Variants in UMAD1 observed in about 807,000 individuals in gnomAD.
UMAD1 encodes UBAP1-MVB12-associated (UMA) domain containing 1, also known as UBAP1-MVB12-associated (UMA)-domain containing protein 1.
UMAD1 carries 8 observed loss-of-function variants against 6.1 expected under a neutral mutation model. The ratio of observed to expected loss-of-function variants is 1.30; its 90% CI spans 0.76 to 2.35. The LOEUF (loss-of-function observed/expected upper bound fraction) is 2.35, where lower values mean the gene tolerates loss of function less well. Among genes scored for constraint, UMAD1 ranks in the 30% most tolerant of loss-of-function variants. The pLI is 0.00. For synonymous variants in UMAD1, 56 were observed against 31.4 expected, an observed-to-expected ratio of 1.78 and a Z score of -2.61; for missense variants, 130 against 78.4, an observed-to-expected ratio of 1.66 and a Z score of -2.49.
chr7:7,782,781 G>C (rs1458136652), intron 2 of UMAD1, among the ~76,000 whole-genome samples: 1 of 145,206 alleles, frequency 6.9e-6, no homozygotes, highest in African/African-American at 2.6e-5. Flanking sequence ...CTGTCACCCA[G>C]GTTGGAGTGC....
intron 2 of UMAD1, among the ~76,000 whole-genome samples, chr7:7,696,109 G>A (rs960875282): frequency 2.7e-5 from 4 of 150,650 alleles, no homozygotes; most frequent in African/African-American, 7.3e-5. Flanking sequence ...GGGTTCAAGC[G>A]ATCCTCCCAT....
At chr7:7,696,292 T>G (rs997219592) in intron 2 of UMAD1, among the ~76,000 whole-genome samples, 3 of 151,204 alleles carry the variant, frequency 2.0e-5, no homozygotes, top group Non-Finnish European at 4.4e-5. Context: ...TAAGAATTAT[T>G]AGGTAGATTA....
At chr7:7,662,936 A>C (rs1322337278) in intron 1 of UMAD1, among the ~76,000 whole-genome samples, 1 of 152,208 alleles carries the variant, frequency 6.6e-6, no homozygotes, top group Admixed American at 6.5e-5. Flanking sequence ...TTTTCAATGG[A>C]AAGTTTTAGA....
intron 2 of UMAD1, chr7:7,739,042 A>G (rs553723043): frequency 1.3e-5 from 2 of 152,388 alleles, no homozygotes; most frequent in African/African-American, 4.8e-5. Flanking sequence ...TTTACTTTTC[A>G]GCACCATTAT....
chr7:7,743,724 A>G (rs1227553725), intron 2 of UMAD1, among the ~76,000 whole-genome samples: 1 of 151,148 alleles, frequency 6.6e-6, no homozygotes, highest in Non-Finnish European at 1.5e-5. Flanking sequence ...ACATATACAT[A>G]TATATTTTCC....
intron 2 of UMAD1, among the ~76,000 whole-genome samples, chr7:7,683,749 A>C (rs1311220750): frequency 6.6e-6 from 1 of 151,916 alleles, no homozygotes; most frequent in Non-Finnish European, 1.5e-5. Flanking sequence ...CAGCCTCCCA[A>C]GTAGCTGGGA....
intron 3 of UMAD1, among the ~76,000 whole-genome samples, chr7:7,827,141 ATATATATGTGTG>A (rs796561476): frequency 1.5e-5 from 2 of 135,016 alleles, no homozygotes; most frequent in South Asian, 2.4e-4. Context: ...ATATATATAT[ATATATATGTGTG>A]TGTGTGTGTG....
intron 1 of UMAD1, among the ~76,000 whole-genome samples, chr7:7,648,905 T>C (rs1583691609): frequency 1.3e-5 from 2 of 151,538 alleles, no homozygotes; most frequent in East Asian, 3.9e-4. Flanking sequence ...ACACTTGTAA[T>C]CCCAGCACTT....
chr7:7,683,231 T>C (rs1392551513), intron 2 of UMAD1, among the ~76,000 whole-genome samples: 1 of 152,212 alleles, frequency 6.6e-6, no homozygotes, highest in Non-Finnish European at 1.5e-5. Flanking sequence ...TCTGTGATTC[T>C]AACCCTTCTG....
At chr7:7,839,415 A>G (rs10256170) in intron 3 of UMAD1, among the ~76,000 whole-genome samples, 68,667 of 151,968 alleles carry the variant, frequency 0.45, 15,894 homozygotes, top group East Asian at 0.57. Flanking sequence ...GGGTCCCCCT[A>G]TGTTGCCCAG....
At chr7:7,731,557 C>G (rs1013740662) in intron 2 of UMAD1, among the ~76,000 whole-genome samples, 4 of 148,718 alleles carry the variant, frequency 2.7e-5, no homozygotes, top group Admixed American at 1.3e-4. Flanking sequence ...ATTTTGCATT[C>G]TGGAGAATTA....
chr7:7,711,841 T>C (rs1403684364), intron 2 of UMAD1, among the ~76,000 whole-genome samples: 1 of 152,164 alleles, frequency 6.6e-6, no homozygotes, highest in East Asian at 1.9e-4. Context: ...ACTTTCATAT[T>C]TCAGTCTGAT....
At chr7:7,759,936 C>T (rs7795197) in intron 2 of UMAD1, among the ~76,000 whole-genome samples, 6,863 of 152,150 alleles carry the variant, frequency 0.045, 508 homozygotes, top group African/African-American at 0.16. Flanking sequence ...TTGACACTCT[C>T]CCATTGAAAA....
rs549328309 is a variant in UMAD1, at chr7:7,796,094, G to A, written c.83-5576G>A. On this transcript the variant is annotated intron_variant, in intron 2 of 3. Transcript: ENST00000682710. ...ACCAGTGGACAGGAGAGTGGAGAGA[G>A]GCCTGGAGTGAATGTTAATGGAATT... 7.9e-5 allele frequency among the ~76,000 whole-genome samples: 12 copies of A among 152,064 alleles called. No individual in the cohort carries two copies. The South Asian group carries it at 2.5e-3, about 32-fold the overall frequency.
chr7:7,799,175 G>A (rs1451692032), intron 2 of UMAD1, among the ~76,000 whole-genome samples: 3 of 151,940 alleles, frequency 2.0e-5, no homozygotes, highest in Non-Finnish European at 2.9e-5. Context: ...TTCAAGGGGT[G>A]GAAAAAAAAC....
intron 2 of UMAD1, among the ~76,000 whole-genome samples, chr7:7,677,734 C>G (rs1335108688): frequency 7.9e-6 from 1 of 127,320 alleles, no homozygotes; most frequent in African/African-American, 3.1e-5. Context: ...AGTGCAGTGG[C>G]GGGATCTCGG....
At chr7:7,778,302 G>C (rs73673827) in intron 2 of UMAD1, among the ~76,000 whole-genome samples, 2,428 of 148,968 alleles carry the variant, frequency 0.016, 30 homozygotes, top group Admixed American at 0.04. Flanking sequence ...GAGAGACAGA[G>C]AGAGAGCGTA....
At chr7:7,665,206 A>G (rs1779410821) in intron 1 of UMAD1, among the ~76,000 whole-genome samples, 1 of 152,164 alleles carries the variant, frequency 6.6e-6, no homozygotes, top group Non-Finnish European at 1.5e-5. Context: ...ATATTACTTA[A>G]AAGGGAAGCC....
intron 3 of UMAD1, among the ~76,000 whole-genome samples, chr7:7,850,474 T>C (rs1783887776): frequency 6.6e-6 from 1 of 152,098 alleles, no homozygotes; most frequent in African/African-American, 2.4e-5. Context: ...ATTGTATCTT[T>C]TATCTTGAAT....
Sources: allele counts gnomAD v4.1 joint callset (sites outside exome capture counted in the v4.1 genomes callset), GRCh38; gene constraint gnomAD v4.1.1; transcripts MANE v1.5; gene names NCBI Gene and HGNC (gene_info 2026-07-23, HGNC 2026-07-21).